FRMPD4: variants seen among roughly 807,000 people sequenced by gnomAD.
The protein encoded by FRMPD4 is FERM and PDZ domain-containing protein 4.
FRMPD4 carries 22 observed loss-of-function variants against 94.1 expected under a neutral mutation model. The observed-to-expected ratio is 0.23, with a 90% confidence interval of 0.17 to 0.33. The LOEUF is 0.33. FRMPD4 is among the 10% of genes least tolerant of loss of function. The pLI is 1.00. For synonymous variants in FRMPD4, 631 were observed against 548.6 expected, an observed-to-expected ratio of 1.15 and a Z score of -2.10; for missense variants, 1,111 against 1,339.9, an observed-to-expected ratio of 0.83 and a Z score of 2.67.
rs192338260 is a variant in FRMPD4, at chrX:12,613,565, G to T, written c.320-1214G>T. 4.9e-3 allele frequency among the ~76,000 whole-genome samples: 548 copies of T among 112,602 alleles called. 17 individuals are homozygous for T. Among genetic ancestry groups the T allele is most frequent in the Admixed American group, 0.047 (495 of 10,634 alleles). On this transcript the variant is annotated intron_variant, in intron 3 of 16. Transcript: ENST00000675598. ...TTGGAAACAACGGAAAGAGAAAAGG[G>T]CCAGGCACAGTGGCTCAAGCCTGTA...
At chrX:12,571,710 A>G (rs1437198325) in intron 2 of FRMPD4, among the ~76,000 whole-genome samples, 1 of 112,331 alleles carries the variant, frequency 8.9e-6, no homozygotes, top group Non-Finnish European at 1.9e-5. Flanking sequence ...GATTGTGTCT[A>G]TAGTTAAAAG....
At chrX:12,178,294 A>G (rs375690470) in intron 1 of FRMPD4, among the ~76,000 whole-genome samples, 77 of 111,273 alleles carry the variant, frequency 6.9e-4, no homozygotes, top group African/African-American at 2.5e-3. Flanking sequence ...TTTATAAATT[A>G]CCCAGTTTAA....
intron 3 of FRMPD4, among the ~76,000 whole-genome samples, chrX:12,049,947 G>C (rs368250550): frequency 1.2e-4 from 13 of 111,890 alleles, no homozygotes; most frequent in African/African-American, 3.6e-4. Context: ...AAAATATTTT[G>C]TACAGCTCTA....
intron 1 of FRMPD4, among the ~76,000 whole-genome samples, chrX:12,363,646 A>G (rs1275758890): frequency 8.9e-6 from 1 of 112,670 alleles, no homozygotes; most frequent in Non-Finnish European, 1.9e-5. Context: ...GGTACATAGT[A>G]TTCCACAAGT....
chrX:12,447,386 G>A (rs188267914), intron 1 of FRMPD4, among the ~76,000 whole-genome samples: 64 of 111,717 alleles, frequency 5.7e-4, no homozygotes, highest in Non-Finnish European at 7.5e-5. Context: ...GTCCCCAGAA[G>A]GGCAAGTCCC....
intron 5 of FRMPD4, 121 bp from the exon 6 acceptor site, chrX:12,683,362 G>A (rs753735041): frequency 5.4e-5 from 22 of 409,296 alleles, no homozygotes; most frequent in African/African-American, 1.0e-4. Context: ...TCCTTGAATC[G>A]GACATGCACC....
chrX:12,678,386 T>G lies in FRMPD4; in HGVS notation c.468+3478T>G, dbSNP rs762526383. On this transcript the variant is annotated intron_variant, in intron 5 of 16. Coordinates refer to ENST00000675598, the MANE Select transcript of FRMPD4 (RefSeq NM_001368397.1). ...GGGTTTTATTTGTTTGGCTCCGATA[T>G]ACCGTCTTCTTTCCTTGTACTGTTA... Among the ~76,000 whole-genome samples, 8 of 112,831 alleles carry G rather than the reference T, an allele frequency of 7.1e-5. No individual in the cohort carries two copies. The South Asian group carries it at 2.9e-3, about 41-fold the overall frequency.
chrX:12,680,485 G>C (rs1334242794), intron 5 of FRMPD4, among the ~76,000 whole-genome samples: 3 of 112,288 alleles, frequency 2.7e-5, no homozygotes, highest in African/African-American at 9.7e-5. Flanking sequence ...GAATAAGCCA[G>C]TATTTTGTTG....
intron 1 of FRMPD4, among the ~76,000 whole-genome samples, chrX:12,296,340 C>T (rs2054771787): frequency 8.9e-6 from 1 of 111,932 alleles, no homozygotes; most frequent in African/African-American, 3.3e-5. Context: ...CCACAAGAAT[C>T]ACAGCCACCA....
chrX:12,252,585 C>T (rs996034229), intron 1 of FRMPD4, among the ~76,000 whole-genome samples: 3 of 112,082 alleles, frequency 2.7e-5, no homozygotes, highest in African/African-American at 9.7e-5. Flanking sequence ...GATGTTCTCA[C>T]AAGCTCTTGA....
chrX:12,016,453 G>A (rs950002432), intron 3 of FRMPD4, among the ~76,000 whole-genome samples: 2 of 111,842 alleles, frequency 1.8e-5, no homozygotes, highest in African/African-American at 6.5e-5. Context: ...AATGACTAAT[G>A]CATTCCTGCA....
intron 2 of FRMPD4, among the ~76,000 whole-genome samples, chrX:12,578,694 G>A (rs772596658): frequency 9.9e-5 from 11 of 111,340 alleles, no homozygotes; most frequent in East Asian, 5.6e-4. Context: ...TTTTAATATC[G>A]CAAATATGCT....
At chrX:12,320,513 A>C (rs2055193875) in intron 1 of FRMPD4, among the ~76,000 whole-genome samples, 1 of 111,854 alleles carries the variant, frequency 8.9e-6, no homozygotes, top group East Asian at 2.8e-4. Context: ...TGCTTGAGGA[A>C]AACTTCTGCA....
chrX:12,663,384 A>AG (rs2059738996), intron 4 of FRMPD4, among the ~76,000 whole-genome samples: 1 of 111,469 alleles, frequency 9.0e-6, no homozygotes, highest in Non-Finnish European at 1.9e-5. Context: ...GGTGTAAGGA[A>AG]GGGGTATAGT....
intron 4 of FRMPD4, among the ~76,000 whole-genome samples, chrX:12,619,402 C>T (rs1169026128): frequency 9.0e-6 from 1 of 111,674 alleles, no homozygotes; most frequent in Non-Finnish European, 1.9e-5. Flanking sequence ...ACTGGTATCC[C>T]CCATAGCAAC....
chrX:11,858,391 T>G (rs1175566952), intron 1 of FRMPD4, among the ~76,000 whole-genome samples: 1 of 111,508 alleles, frequency 9.0e-6, no homozygotes, highest in East Asian at 2.8e-4. Flanking sequence ...AATGAGATCA[T>G]GTCCTTTGCA....
In FRMPD4 at chrX:12,520,404, CT is replaced by C. The variant is rs2058149132; in HGVS notation, c.158+21612del. Among the ~76,000 whole-genome samples the C allele has an allele frequency of 3.6e-5, 4 of 111,887 alleles. No homozygotes were observed. In the South Asian group the frequency reaches 1.5e-3, roughly 42 times the overall value. ...GTTGTTTAATGGGTATAAACTTTCA[CT>C]TTTGCAAAGTGAAAAAGTTCTGGAG... On this transcript the variant is annotated intron_variant, in intron 2 of 16. Coordinates refer to ENST00000675598, the MANE Select transcript of FRMPD4 (RefSeq NM_001368397.1).
intron 3 of FRMPD4, among the ~76,000 whole-genome samples, chrX:12,070,626 A>G (rs1372985190): frequency 1.8e-5 from 2 of 112,011 alleles, no homozygotes; most frequent in Non-Finnish European, 3.8e-5. Flanking sequence ...AAAGTGAACC[A>G]TATAAATAAA....
intron 1 of FRMPD4, among the ~76,000 whole-genome samples, chrX:12,346,525 T>G (rs755117492): frequency 1.8e-5 from 2 of 111,518 alleles, no homozygotes; most frequent in Non-Finnish European, 3.8e-5. Context: ...TAATACCTAC[T>G]CCAGAGAACC....
Sources: gnomAD v4.1 joint callset for allele counts (sites outside exome capture counted in the v4.1 genomes callset) on GRCh38, gnomAD v4.1.1 for gene constraint, MANE v1.5 for transcripts, NCBI Gene and HGNC (gene_info 2026-07-23, HGNC 2026-07-21) for gene names.